AP1M1: variants seen among roughly 807,000 people sequenced by gnomAD.
The protein encoded by AP1M1 is adaptor related protein complex 1 subunit mu 1, also known as AP-1 complex subunit mu-1.
A neutral mutation model predicts 57.1 loss-of-function variants in AP1M1; 18 were observed. The ratio of observed to expected loss-of-function variants is 0.32; its 90% CI spans 0.22 to 0.47. The LOEUF is 0.47. AP1M1 is among the 20% of genes least tolerant of loss of function. The pLI is 1.00. For synonymous variants in AP1M1, 241 were observed against 237.9 expected (o/e 1.01, Z -0.12); for missense variants, 362 against 593.5 (o/e 0.61, Z 4.05).
intron 5 of AP1M1, among the ~76,000 whole-genome samples, chr19:16,211,622 C>T (rs183274494): frequency 1.4e-3 from 210 of 152,048 alleles, no homozygotes; most frequent in African/African-American, 4.2e-3. Context: ...TGGTGATGCG[C>T]GCCTGTAATC....
At chr19:16,226,596 C>T in intron 6 of AP1M1, 49 bp downstream of exon 6, 4 of 1,541,512 alleles carry the variant, frequency 2.6e-6, no homozygotes, top group Non-Finnish European at 3.5e-6. Context: ...CCTCACCAGG[C>T]ACACACATTA....
At chr19:16,229,157 C>T (rs1250423400) in intron 9 of AP1M1, among the ~76,000 whole-genome samples, 12 of 152,232 alleles carry the variant, frequency 7.9e-5, no homozygotes, top group Admixed American at 7.2e-4. Context: ...TGTGAACCAG[C>T]CTCTGTCTTC....
chr19:16,206,375 G>C lies in AP1M1; in HGVS notation c.234G>C (p.Ser78=). The C allele has an allele frequency of 6.2e-7, 1 of 1,614,114 alleles. No individual in the cohort carries two copies. Among genetic ancestry groups the C allele is most frequent in the East Asian group, 2.2e-5 (1 of 44,872 alleles). ...VATSKKNACV[S]LVFSFLYKVV... ...CATCCAAGAAGAACGCGTGCGTGTC[G>C]CTGGTCTTTTCTTTCCTCTATAAGG... Residue 78 remains serine, a synonymous_variant, in exon 3 of 12, where the codon TCG becomes TCC. Transcript: ENST00000291439. The surrounding 1 kb of genome is among the most constrained non-coding windows in gnomAD (Gnocchi z 4.3).
Position 16,227,840 on chromosome 19 carries a change from A to G in AP1M1, c.816+150A>G. 9.1e-7 allele frequency: 1 copy of G among 1,096,134 alleles called. No homozygotes were observed. Among genetic ancestry groups the G allele is most frequent in the East Asian group, 2.4e-5 (1 of 42,024 alleles). The allele number at this position is 1,096,134 out of a possible 1,614,324, so 67.9% of individuals were successfully genotyped here. A position where few individuals can be genotyped will look rare whatever the true frequency, so the allele number is the denominator to read the frequency against. ...CAGAGATGGAGTCTGAGGACTTGGG[A>G]CTCCGAGCTTTCTGAGGGGCACAGA... On this transcript the variant is annotated intron_variant, in intron 7 of 11. Coordinates refer to ENST00000291439, the MANE Select transcript of AP1M1 (RefSeq NM_032493.4). The surrounding 1 kb of genome is among the most constrained non-coding windows in gnomAD (Gnocchi z 6.2).
Position 16,203,316 on chromosome 19 carries a change from C to T in AP1M1, c.43-143C>T. On this transcript the variant is annotated intron_variant, in intron 1 of 11. Transcript: ENST00000291439. The surrounding 1 kb of genome is among the most constrained non-coding windows in gnomAD (Gnocchi z 4.6). ...CCTGGGGGATGGAGATCAGAACGGCCTCAAGTCCTGCTCTTTTGCGGATAG... is the reference window on the plus strand; with the variant it reads ...CCTGGGGGATGGAGATCAGAACGGCTTCAAGTCCTGCTCTTTTGCGGATAG... 1 of 801,640 alleles carries T rather than the reference C, an allele frequency of 1.2e-6. No individual in the cohort carries two copies. Among genetic ancestry groups the T allele is most frequent in the Non-Finnish European group, 2.0e-6 (1 of 496,676 alleles). 49.7% of individuals were successfully genotyped at this position (801,640 alleles called of 1,614,324 possible).
chr19:16,215,194 C>CAGGGGCGGGGGGGGGG (rs1568350995), intron 5 of AP1M1, among the ~76,000 whole-genome samples: 4 of 1,922 alleles, frequency 2.1e-3, no homozygotes, highest in East Asian at 0.011. Flanking sequence ...GAGGCTAAGG[C>CAGGGGCGGGGGGGGGG]GGGGGCGGGG....
At chr19:16,221,712 A>G (rs2091545196) in intron 5 of AP1M1, among the ~76,000 whole-genome samples, 1 of 152,260 alleles carries the variant, frequency 6.6e-6, no homozygotes, top group African/African-American at 2.4e-5. Flanking sequence ...TAGAATGTAC[A>G]TTATTTCTAA....
chr19:16,207,247 T>C lies in AP1M1; in HGVS notation c.268-772T>C, dbSNP rs963668805. Among the ~76,000 whole-genome samples, 3 of 152,054 alleles carry C rather than the reference T, an allele frequency of 2.0e-5. No homozygotes were observed. The highest frequency in any genetic ancestry group is 4.4e-5 in the Non-Finnish European group (3 of 67,984). On this transcript the variant is annotated intron_variant, in intron 3 of 11. Transcript: ENST00000291439. This position sits in a 1 kb window ranked among gnomAD's most constrained non-coding sequence, Gnocchi z 4.2. ...CCTCACTGATGCTGCCTGTGCAGAA[T>C]GTTGGGGAACAGGGGCAAGCCTGGG...
In AP1M1 at chr19:16,206,637, G is replaced by A. The variant is rs2091470695; in HGVS notation, c.267+229G>A. 1.4e-5 allele frequency: 8 copies of A among 577,550 alleles called. No homozygotes were observed. The highest frequency in any genetic ancestry group is 2.5e-5 in the Non-Finnish European group (8 of 320,504). 35.8% of individuals were successfully genotyped at this position (577,550 alleles called of 1,614,324 possible). A position where few individuals can be genotyped will look rare whatever the true frequency, so the allele number is the denominator to read the frequency against. On this transcript the variant is annotated intron_variant, in intron 3 of 11. Transcript: ENST00000291439. This position sits in a 1 kb window ranked among gnomAD's most constrained non-coding sequence, Gnocchi z 4.3. ...GAAGAAAGGAAAGTGAACAGGAAAA[G>A]GTAGGGCTCAGAGCAGGGGTGCCCT...
chr19:16,223,981 G>A (rs1457679853), intron 5 of AP1M1, among the ~76,000 whole-genome samples: 4 of 152,286 alleles, frequency 2.6e-5, no homozygotes, highest in East Asian at 1.9e-4. Context: ...CGTTTCTGAC[G>A]GCCACTGGCA....
intron 6 of AP1M1, 199 bp downstream of exon 6, chr19:16,226,746 C>T (rs2091572930): frequency 1.0e-5 from 7 of 682,672 alleles, no homozygotes; most frequent in Non-Finnish European, 1.3e-5. Context: ...GAGTGAAGAT[C>T]CTCCAGTCCA....
chr19:16,230,623 A>T (rs1371945296), intron 9 of AP1M1, among the ~76,000 whole-genome samples: 1 of 152,002 alleles, frequency 6.6e-6, no homozygotes, highest in African/African-American at 2.4e-5. Flanking sequence ...CTGGTGACGA[A>T]CTCCTGACCT....
intron 5 of AP1M1, among the ~76,000 whole-genome samples, chr19:16,216,246 C>A (rs753055779): frequency 6.6e-6 from 1 of 152,116 alleles, no homozygotes; most frequent in Admixed American, 6.6e-5. Flanking sequence ...GAGATTGAGA[C>A]CATCCTGGTG....
At position 16,221,552 on chromosome 19, in the gene AP1M1, A is replaced by G. The variant is rs557878357; in HGVS notation, c.547-4869A>G. 5.9e-5 allele frequency among the ~76,000 whole-genome samples: 9 copies of G among 152,368 alleles called. No homozygotes were observed. The South Asian group carries it at 1.9e-3, about 32-fold the overall frequency. The stretch of plus-strand genomic sequence containing the variant: ...AGGCAAGGGAGAACAAAGGAAAAAG[A>G]GGAAGTTGACTCATTCCCTTATATC... On this transcript the variant is annotated intron_variant, in intron 5 of 11. Coordinates refer to ENST00000291439, the MANE Select transcript of AP1M1 (RefSeq NM_032493.4).
chr19:16,231,287 CAAAAAAA>C (rs1231125818), intron 9 of AP1M1, among the ~76,000 whole-genome samples: 103 of 115,146 alleles, frequency 8.9e-4, no homozygotes, highest in African/African-American at 3.8e-3. Flanking sequence ...GACTCTGTCT[CAAAAAAA>C]AAAAAAAAAA....
chr19:16,233,826 C>G (rs745971552), intron 10 of AP1M1, among the ~76,000 whole-genome samples: 4 of 152,150 alleles, frequency 2.6e-5, no homozygotes, highest in Non-Finnish European at 5.9e-5. Flanking sequence ...TCATTCTGCC[C>G]CAAACTAGCA....
Position 16,226,544 on chromosome 19 carries a change from G to A in AP1M1, c.670G>A (p.Gly224Ser). 6.3e-7 allele frequency: 1 copy of A among 1,582,370 alleles called. No homozygotes were observed. Among genetic ancestry groups the A allele is most frequent in the South Asian group, 1.1e-5 (1 of 88,458 alleles). The change falls in exon 6 of 12, where the codon GGC becomes AGC. Residue 224 changes from glycine (G) to serine (S), a missense_variant. Transcript: ENST00000291439. The part of the protein sequence containing the change: ...LNDKVLFDNT[G>S]RGKSKSVELE... ...CGACAAGGTCCTCTTTGACAACACG[G>A]GCCGTGAGTACCCTTGCCAAGGGCC...
chr19:16,240,282 G>C lies in AP1M1; in HGVS notation c.*5847G>C, dbSNP rs1349232762. The C allele has an allele frequency of 1.2e-5, 1 of 85,584 alleles. No homozygotes were observed. The highest frequency in any genetic ancestry group is 2.1e-5 in the Non-Finnish European group (1 of 48,224). The allele number at this position is 85,584 out of a possible 1,614,324, so 5.3% of individuals were successfully genotyped here. A position where few individuals can be genotyped will look rare whatever the true frequency, so the allele number is the denominator to read the frequency against. On this transcript the variant is annotated 3_prime_UTR_variant, in exon 12 of 12. Transcript: ENST00000291439. ...TGTGTGTGTGTGTGTGTATGTGTGT[G>C]TGTGTGTGTGTGTGTGTGTGATGTG...
chr19:16,234,134 A>G (rs1442161585), intron 10 of AP1M1, 65 bp from the exon 11 acceptor site: 3 of 1,502,874 alleles, frequency 2.0e-6, no homozygotes, highest in African/African-American at 2.8e-5. Context: ...CCAGCAGGAA[A>G]GATTAAGGGG....
Sources: allele counts gnomAD v4.1 joint callset (sites outside exome capture counted in the v4.1 genomes callset), GRCh38; gene constraint gnomAD v4.1.1; non-coding constraint Gnocchi (gnomAD v3.1); transcripts MANE v1.5; gene names NCBI Gene and HGNC (gene_info 2026-07-23, HGNC 2026-07-21).